The following ACAD11 variants were observed in gnomAD, a reference collection of about 807,000 sequenced individuals.
ACAD11 encodes the protein acyl-Coenzyme A dehydrogenase family, member 11.
In ACAD11, 83 loss-of-function variants were observed where a neutral mutation model predicts 102.2. The ratio of observed to expected loss-of-function variants is 0.81; its 90% CI spans 0.68 to 0.97. The LOEUF is 0.97. Among genes scored for constraint, ACAD11 ranks in the 50% least tolerant of loss-of-function variants. The pLI, the probability that ACAD11 is intolerant of heterozygous loss-of-function variation, is 0.00. For missense variants in ACAD11, 901 were observed against 951.7 expected, an observed-to-expected ratio of 0.95 and a Z score of 0.70; for synonymous variants, 324 against 319.8, an observed-to-expected ratio of 1.01 and a Z score of -0.14.
intron 13 of ACAD11, among the ~76,000 whole-genome samples, chr3:132,598,574 T>C (rs1018070623): frequency 6.6e-6 from 1 of 152,172 alleles, no homozygotes; most frequent in African/African-American, 2.4e-5. Flanking sequence ...CTGAGGGGTA[T>C]GTAGAGATTG....
In ACAD11 at chr3:132,575,838, G is replaced by A. The variant is rs143711603; in HGVS notation, c.1935C>T (p.Arg645=). The change falls in exon 17 of 20, where the codon CGC becomes CGT. Residue 645 remains arginine, a synonymous_variant. Transcript: ENST00000264990. ...HCMRTVGLAE[R]ALQIMCERAT... ...CCCGCTCACACATGATCTGCAAAGC[G>A]CGTTCCGCCAAACCTACTGTTCTCA... 596 of 1,613,914 alleles carry A rather than the reference G, an allele frequency of 3.7e-4. 1 individual carries two copies. The highest frequency in any genetic ancestry group is 4.6e-4 in the Non-Finnish European group (542 of 1,179,994).
At chr3:132,628,163 T>C (rs1366652501) in intron 8 of ACAD11, among the ~76,000 whole-genome samples, 177 bp downstream of exon 8, 1 of 152,234 alleles carries the variant, frequency 6.6e-6, no homozygotes, top group Non-Finnish European at 1.5e-5. Flanking sequence ...ATTTTCTTTA[T>C]ATTTTAGGTC....
At chr3:132,613,239 G>A (rs936864605) in intron 11 of ACAD11, among the ~76,000 whole-genome samples, 3 of 151,614 alleles carry the variant, frequency 2.0e-5, no homozygotes, top group African/African-American at 7.3e-5. Flanking sequence ...GGTGGGGGAA[G>A]GGGGGAGGGA....
At chr3:132,621,568 CAAAGG>C (rs1349622416) in intron 9 of ACAD11, among the ~76,000 whole-genome samples, 4 of 152,012 alleles carry the variant, frequency 2.6e-5, no homozygotes. Context: ...AAAAGATAAA[CAAAGG>C]AAAGGGAAAA....
intron 1 of ACAD11, among the ~76,000 whole-genome samples, chr3:132,653,265 T>A (rs570529577): frequency 4.6e-5 from 7 of 152,296 alleles, no homozygotes; most frequent in African/African-American, 1.7e-4. Context: ...TTCTTCTCCA[T>A]CTTCATTCTC....
Position 132,596,280 on chromosome 3 carries a change from G to C in ACAD11, c.1621+6949C>G, listed in dbSNP as rs112742091. ...ACACACTGGGGCCTATCAAAGGGTA[G>C]AGGGTGGTAGAGAAAGAGGATCAGG... On this transcript the variant is annotated intron_variant, in intron 13 of 19. Transcript: ENST00000264990. 4.5e-3 allele frequency among the ~76,000 whole-genome samples: 682 copies of C among 152,282 alleles called. 4 individuals carry two copies. Among genetic ancestry groups the C allele is most frequent in the African/African-American group, 0.016 (664 of 41,566 alleles).
At chr3:132,628,972 C>T (rs1456382103) in intron 7 of ACAD11, among the ~76,000 whole-genome samples, 2 of 152,152 alleles carry the variant, frequency 1.3e-5, no homozygotes, top group South Asian at 4.1e-4. Flanking sequence ...ACATAATAAA[C>T]TCCTTCCTCT....
intron 1 of ACAD11, among the ~76,000 whole-genome samples, chr3:132,649,097 C>T (rs148911912): frequency 2.0e-5 from 3 of 152,178 alleles, no homozygotes; most frequent in African/African-American, 4.8e-5. Context: ...TGCGGAAAGC[C>T]GCAGGGACCT....
Position 132,577,129 on chromosome 3 carries a change from A to G in ACAD11, c.1775-114T>C, listed in dbSNP as rs1201078710. ...AGAAAATAGGATTTCAAAGATCCATATGGCATGAACATTCTGAGGTAAGCC... is the reference window on the plus strand; with the variant it reads ...AGAAAATAGGATTTCAAAGATCCATGTGGCATGAACATTCTGAGGTAAGCC... On this transcript the variant is annotated intron_variant, in intron 15 of 19. Transcript: ENST00000264990. 7 of 706,538 alleles carry G rather than the reference A, an allele frequency of 9.9e-6. No individual in the cohort carries two copies. In the Admixed American group the frequency reaches 1.0e-4, roughly 10 times the overall value. 43.8% of individuals were successfully genotyped at this position (706,538 alleles called of 1,614,324 possible).
intron 13 of ACAD11, among the ~76,000 whole-genome samples, chr3:132,595,317 A>G (rs61070597): frequency 0.077 from 11,760 of 152,194 alleles, 1,505 homozygotes; most frequent in African/African-American, 0.27. Context: ...ATGGCAGAAC[A>G]AGTAGGCAAA....
chr3:132,610,948 G>A (rs1412832039), intron 11 of ACAD11, among the ~76,000 whole-genome samples: 2 of 152,258 alleles, frequency 1.3e-5, no homozygotes, highest in Middle Eastern at 3.4e-3. Context: ...CAATATCCTT[G>A]ATTAACATTG....
At chr3:132,609,421 T>C (rs1199153479) in intron 11 of ACAD11, among the ~76,000 whole-genome samples, 1 of 151,828 alleles carries the variant, frequency 6.6e-6, no homozygotes, top group Admixed American at 6.6e-5. Flanking sequence ...AAGAATCAAA[T>C]AGACACAATA....
chr3:132,628,510 T>C, intron 7 of ACAD11, 64 bp from the exon 8 acceptor site: 1 of 1,176,260 alleles, frequency 8.5e-7, no homozygotes, highest in Non-Finnish European at 1.2e-6. Flanking sequence ...CCAATCAATC[T>C]TTCCAGTTTC....
At chr3:132,649,974 A>G (rs1940874645) in intron 1 of ACAD11, 1 of 152,252 alleles carries the variant, frequency 6.6e-6, no homozygotes, top group South Asian at 2.1e-4. Flanking sequence ...AGATCAGGAA[A>G]AAAGAAGATT....
intron 11 of ACAD11, among the ~76,000 whole-genome samples, chr3:132,608,717 A>G (rs1179658894): frequency 6.6e-6 from 1 of 152,182 alleles, no homozygotes. Flanking sequence ...CCCATTGTCA[A>G]TATCAGACAG....
chr3:132,578,774 G>T, intron 15 of ACAD11, 22 bp downstream of exon 15: 4 of 1,609,904 alleles, frequency 2.5e-6, no homozygotes, highest in Non-Finnish European at 3.4e-6. Context: ...CTAATGCATG[G>T]TCATATTTAT....
chr3:132,643,629 G>A (rs1182762420), intron 2 of ACAD11, among the ~76,000 whole-genome samples: 1 of 152,078 alleles, frequency 6.6e-6, no homozygotes, highest in Admixed American at 6.6e-5. Context: ...GGCAATAACT[G>A]GAAGAGGAAA....
chr3:132,612,244 A>C (rs1210038329), intron 11 of ACAD11, among the ~76,000 whole-genome samples: 1 of 152,086 alleles, frequency 6.6e-6, no homozygotes, highest in Non-Finnish European at 1.5e-5. Flanking sequence ...TTAAAGACTT[A>C]CATGTTAGAC....
intron 13 of ACAD11, among the ~76,000 whole-genome samples, chr3:132,588,492 T>C (rs1040459476): frequency 1.3e-5 from 2 of 152,300 alleles, no homozygotes; most frequent in Non-Finnish European, 2.9e-5. Context: ...AATGATCACA[T>C]AAGCAGAACT....
Sources: gnomAD v4.1 joint callset for allele counts (sites outside exome capture counted in the v4.1 genomes callset) on GRCh38, gnomAD v4.1.1 for gene constraint, MANE v1.5 for transcripts, NCBI Gene and HGNC (gene_info 2026-07-23, HGNC 2026-07-21) for gene names.